The following LTA4H variants were observed in gnomAD, a reference collection of about 807,000 sequenced individuals.
LTA4H encodes leukotriene A4 hydrolase, also known as leukotriene A-4 hydrolase.
In LTA4H, 59 loss-of-function variants were observed where a neutral mutation model predicts 89.8. The observed-to-expected ratio is 0.66, with a 90% CI of 0.53 to 0.82. LTA4H has a LOEUF of 0.82. Ranked by LOEUF, LTA4H falls within the 40% of genes least tolerant of loss-of-function variation. LTA4H has a pLI of 0.00. For synonymous variants in LTA4H, 227 were observed against 253.1 expected, an observed-to-expected ratio of 0.90 and a Z score of 0.98; for missense variants, 617 against 727.0, an observed-to-expected ratio of 0.85 and a Z score of 1.74.
intron 12 of LTA4H, chr12:96,014,340 T>G (rs929436849): frequency 1.9e-5 from 3 of 157,598 alleles, no homozygotes; most frequent in Non-Finnish European, 4.2e-5. Context: ...CAGATTTATA[T>G]GTACTGACAC....
At chr12:96,003,695 A>G (rs991816958) in intron 17 of LTA4H, 143 bp downstream of exon 17, 18 of 455,434 alleles carry the variant, frequency 4.0e-5, no homozygotes, top group East Asian at 1.4e-4. Flanking sequence ...AAATACCACT[A>G]TAAGTATTTA....
intron 16 of LTA4H, among the ~76,000 whole-genome samples, chr12:96,004,942 C>G (rs1409115187): frequency 6.6e-6 from 1 of 152,072 alleles, no homozygotes; most frequent in Non-Finnish European, 1.5e-5. Context: ...CCATGATGAC[C>G]CGATGCACTA....
chr12:96,032,470 C>T (rs931086308), intron 1 of LTA4H, among the ~76,000 whole-genome samples: 7 of 152,226 alleles, frequency 4.6e-5, no homozygotes, highest in Admixed American at 4.6e-4. Context: ...CCTCTACATG[C>T]CAGACATAGA....
intron 1 of LTA4H, among the ~76,000 whole-genome samples, chr12:96,041,982 TTTTC>T (rs1950690833): frequency 8.7e-6 from 1 of 114,656 alleles, no homozygotes; most frequent in Non-Finnish European, 1.7e-5. Flanking sequence ...TTTTGTTTTT[TTTTC>T]TTTTTTTTTT....
upstream of LTA4H, among the ~76,000 whole-genome samples, chr12:96,037,665 C>G (rs2136927731): frequency 6.7e-6 from 1 of 149,374 alleles, no homozygotes; most frequent in East Asian, 2.0e-4. Flanking sequence ...AAAGGGGAAG[C>G]TAGAGAGGAA....
Position 96,041,982 on chromosome 12 carries a change from T to G in LTA4H, c.87+1307A>C, listed in dbSNP as rs202129739. On this transcript the variant is annotated intron_variant, in intron 1 of 17. Transcript: ENST00000413268. Reference sequence around the variant, plus strand: ...AAATTAAACGTTTCTTTTTGTTTTTTTTTCTTTTTTTTTTTTTTTTTGACA... The same window carrying G: ...AAATTAAACGTTTCTTTTTGTTTTTGTTTCTTTTTTTTTTTTTTTTTGACA... 3.3e-4 allele frequency among the ~76,000 whole-genome samples: 38 copies of G among 114,726 alleles called. No individual in the cohort carries two copies. The East Asian group carries it at 6.1e-3, about 18-fold the overall frequency. 75.3% of individuals were successfully genotyped at this position (114,726 alleles called of 152,430 possible). A position where few individuals can be genotyped will look rare whatever the true frequency, so the allele number is the denominator to read the frequency against.
chr12:96,000,903 G>A lies in LTA4H; in HGVS notation c.*86C>T. ...ATAAAAAGCCAAAACTAAAAAGACA[G>A]TTTTAATTGTGAGCTGAAGTTTTAT... On this transcript the variant is annotated 3_prime_UTR_variant, in exon 19 of 19. Transcript: ENST00000228740. 1 of 997,762 alleles carries A rather than the reference G, an allele frequency of 1.0e-6. No homozygotes were observed. The highest frequency in any genetic ancestry group is 1.6e-5 in the African/African-American group (1 of 62,422). The allele number at this position is 997,762 out of a possible 1,614,324, so 61.8% of individuals were successfully genotyped here. A position where few individuals can be genotyped will look rare whatever the true frequency, so the allele number is the denominator to read the frequency against.
chr12:96,001,062 G>C lies in LTA4H; in HGVS notation c.1763C>G (p.Thr588Ser). 1 of 1,614,068 alleles carries C rather than the reference G, an allele frequency of 6.2e-7. No homozygotes were observed. Among genetic ancestry groups the C allele is most frequent in the Non-Finnish European group, 8.5e-7 (1 of 1,179,996 alleles). The change falls in exon 19 of 19, where the codon ACC becomes AGC. Residue 588 changes from threonine to serine, a missense_variant. Thr to Ser is a moderately conservative substitution (Grantham distance 58, BLOSUM62 1). This residue lies in a region of LTA4H where 290 missense variants were observed against 339.1 expected (regional missense o/e 0.86). Transcript: ENST00000228740. ...FDKSHDQAVR[T>S]YQEHKASMHP... ...CATGCTTGCTTTGTGCTCTTGGTAG[G>C]TTCGGACAGCTTGATCATGGGATTT... is the stretch of plus-strand genomic sequence containing the variant.
At chr12:96,010,849 G>A (rs974130494) in intron 14 of LTA4H, 2 of 152,196 alleles carry the variant, frequency 1.3e-5, no homozygotes, top group Admixed American at 1.3e-4. Flanking sequence ...ACTGAACTTG[G>A]ACAGTGGTAG....
chr12:96,015,546 C>T, intron 11 of LTA4H, 37 bp downstream of exon 11: 1 of 1,476,164 alleles, frequency 6.8e-7, no homozygotes, highest in Non-Finnish European at 9.5e-7. Flanking sequence ...ACCTATACAA[C>T]TTTGGATGAA....
At chr12:96,002,152 C>G (rs769963178) in intron 18 of LTA4H, among the ~76,000 whole-genome samples, 1 of 152,136 alleles carries the variant, frequency 6.6e-6, no homozygotes, top group South Asian at 2.1e-4. Flanking sequence ...CCACCGCGCC[C>G]GGCCCAAGTA....
intron 3 of LTA4H, 105 bp from the exon 4 acceptor site, chr12:96,024,652 A>G: frequency 2.9e-6 from 2 of 692,498 alleles, no homozygotes; most frequent in Non-Finnish European, 4.9e-6. Context: ...AAATAAAAAC[A>G]GTCCTCATTT....
chr12:96,009,235 A>G (rs1950257645), intron 14 of LTA4H, 87 bp from the exon 15 acceptor site: 1 of 859,234 alleles, frequency 1.2e-6, no homozygotes, highest in Non-Finnish European at 1.9e-6. Flanking sequence ...CTTAAATTTC[A>G]AAGTCCCTTT....
upstream of LTA4H, among the ~76,000 whole-genome samples, chr12:96,036,966 A>G (rs568060122): frequency 1.3e-5 from 2 of 152,308 alleles, no homozygotes; most frequent in Admixed American, 1.3e-4. Context: ...CCACACACTT[A>G]AACAATCAGA....
chr12:96,027,254 G>C (rs1050342936), intron 3 of LTA4H, 190 bp downstream of exon 3: 1 of 400,560 alleles, frequency 2.5e-6, no homozygotes, highest in African/African-American at 2.1e-5. Context: ...TTTAAAGTAA[G>C]GCATGAGTGT....
At chr12:96,037,591 A>C (rs1198426337), upstream of LTA4H, among the ~76,000 whole-genome samples, 1 of 152,074 alleles carries the variant, frequency 6.6e-6, no homozygotes. Context: ...TGAGCAATGA[A>C]GAGAAGAGGG....
Position 96,015,586 on chromosome 12 carries a change from A to G in LTA4H, c.1056T>C (p.Asn352=). The G allele has an allele frequency of 6.2e-7, 1 of 1,608,516 alleles. No individual in the cohort carries two copies. The highest frequency in any genetic ancestry group is 8.5e-7 in the Non-Finnish European group (1 of 1,175,716). Residue 352 remains asparagine (N), a synonymous_variant, in exon 11 of 19, where the codon AAT becomes AAC. Transcript: ENST00000228740. ...TTTAAAACTTTGACTCCTTTACCGA[A>G]TTCTGTAGTTCTCCCCATCCTCCCA... ...NALGGWGELQ[N]SVKTFGETHP...
chr12:96,025,599 G>C (rs775621924), intron 3 of LTA4H, among the ~76,000 whole-genome samples: 7 of 152,158 alleles, frequency 4.6e-5, no homozygotes. Flanking sequence ...GGGAGGCTCA[G>C]ATGAGAGGAT....
At chr12:96,021,260 A>T (rs1950449368) in intron 5 of LTA4H, 123 bp from the exon 6 acceptor site, 1 of 644,620 alleles carries the variant, frequency 1.6e-6, no homozygotes, top group Non-Finnish European at 2.5e-6. Flanking sequence ...ATTAGTAGGG[A>T]TAACTTTGCT....
Sources: allele counts gnomAD v4.1 joint callset (sites outside exome capture counted in the v4.1 genomes callset), GRCh38; gene constraint gnomAD v4.1.1; regional missense constraint gnomAD v4.1.1; transcripts MANE v1.5; gene names NCBI Gene and HGNC (gene_info 2026-07-23, HGNC 2026-07-21).